Variants in LTBP1 observed in about 807,000 individuals in gnomAD.
LTBP1 encodes the protein latent transforming growth factor beta binding protein 1.
LTBP1 carries 129 observed loss-of-function variants against 207.6 expected under a neutral mutation model. The observed-to-expected ratio is 0.62, with a 90% CI of 0.54 to 0.72. LTBP1 has a LOEUF of 0.72. Ranked by LOEUF, LTBP1 falls within the 30% of genes least tolerant of loss-of-function variation. The pLI is 0.00. For missense variants in LTBP1, 2,281 were observed against 2,217.2 expected (o/e 1.03, Z -0.58); for synonymous variants, 963 against 833.7 (o/e 1.16, Z -2.67).
intron 28 of LTBP1, among the ~76,000 whole-genome samples, chr2:33,362,161 A>G (rs1415643693): frequency 6.6e-6 from 1 of 152,190 alleles, no homozygotes; most frequent in African/African-American, 2.4e-5. Flanking sequence ...CATTTTCATG[A>G]TAGAGATATT....
intron 2 of LTBP1, among the ~76,000 whole-genome samples, chr2:32,991,227 A>G (rs1360504112): frequency 6.6e-6 from 1 of 152,242 alleles, no homozygotes; most frequent in Non-Finnish European, 1.5e-5. Flanking sequence ...AATACCTGCA[A>G]CTACAGAGGA....
intron 3 of LTBP1, among the ~76,000 whole-genome samples, chr2:33,065,744 C>G (rs2077477667): frequency 6.6e-6 from 1 of 152,154 alleles, no homozygotes; most frequent in Admixed American, 6.5e-5. Context: ...TTTCTTCTTC[C>G]TGTATACTTT....
At chr2:33,364,177 G>A (rs2094957410) in intron 29 of LTBP1, 39 bp from the exon 30 acceptor site, 1 of 1,605,808 alleles carries the variant, frequency 6.2e-7, no homozygotes, top group African/African-American at 1.3e-5. Flanking sequence ...TACAACTGAT[G>A]GCTGATTTTC....
intron 2 of LTBP1, among the ~76,000 whole-genome samples, chr2:32,959,879 C>G (rs116375227): frequency 0.029 from 4,449 of 151,576 alleles, 121 homozygotes; most frequent in Non-Finnish European, 0.046. Context: ...CCTTGGTCTC[C>G]CAGAGTACTG....
chr2:33,387,910 C>T (rs2095281732), intron 31 of LTBP1, among the ~76,000 whole-genome samples: 1 of 152,318 alleles, frequency 6.6e-6, no homozygotes, highest in Non-Finnish European at 1.5e-5. Context: ...GTGACTGCCC[C>T]ACTCATGTCC....
chr2:33,129,314 C>T lies in LTBP1; in HGVS notation c.1034-5479C>T, dbSNP rs538769447. ...AACACCCAGAAAAGTTCAGGACAGG[C>T]TCCGGACTGCAGTCCAGGGCAGAGG... On this transcript the variant is annotated intron_variant, in intron 4 of 33. Coordinates refer to ENST00000404816, the MANE Select transcript of LTBP1 (RefSeq NM_206943.4). 6.1e-3 allele frequency among the ~76,000 whole-genome samples: 923 copies of T among 152,290 alleles called. 13 individuals carry two copies. The highest frequency in any genetic ancestry group is 0.021 in the African/African-American group (873 of 41,552).
At chr2:33,219,426 G>A (rs1302166453) in intron 8 of LTBP1, among the ~76,000 whole-genome samples, 1 of 152,212 alleles carries the variant, frequency 6.6e-6, no homozygotes, top group Non-Finnish European at 1.5e-5. Flanking sequence ...AAAAATTTTA[G>A]TGTTTGAAGT....
At chr2:33,062,990 C>T (rs1473635252) in intron 3 of LTBP1, 1 of 152,108 alleles carries the variant, frequency 6.6e-6, no homozygotes. Context: ...TTGTTTATGT[C>T]CATTTAATGT....
chr2:33,251,614 G>A (rs2092686353), intron 10 of LTBP1, among the ~76,000 whole-genome samples: 1 of 143,750 alleles, frequency 7.0e-6, no homozygotes, highest in South Asian at 2.2e-4. Flanking sequence ...GCAGTGAGCT[G>A]AGATCGCGCC....
At chr2:33,356,680 T>A (rs1352587516) in intron 26 of LTBP1, among the ~76,000 whole-genome samples, 1 of 152,164 alleles carries the variant, frequency 6.6e-6, no homozygotes, top group Non-Finnish European at 1.5e-5. Flanking sequence ...ACATTTCTCA[T>A]TTTCCGAGTT....
intron 2 of LTBP1, among the ~76,000 whole-genome samples, chr2:32,969,829 T>C (rs1323817892): frequency 6.6e-6 from 1 of 152,172 alleles, no homozygotes; most frequent in African/African-American, 2.4e-5. Context: ...CTGTTTTAAG[T>C]TCTTTGAGAG....
At chr2:33,020,835 G>A (rs2075130790) in intron 2 of LTBP1, 74 bp from the exon 3 acceptor site, 1 of 1,421,096 alleles carries the variant, frequency 7.0e-7, no homozygotes, top group Non-Finnish European at 9.5e-7. Context: ...TGATGCTACT[G>A]TTAACCCTTT....
At chr2:33,259,664 C>G (rs2092958316) in intron 13 of LTBP1, 54 bp downstream of exon 13, 1 of 1,524,582 alleles carries the variant, frequency 6.6e-7, no homozygotes, top group Non-Finnish European at 9.0e-7. Flanking sequence ...AAGTGATTTT[C>G]TATTAGAATA....
chr2:32,977,840 T>C (rs374485467), intron 2 of LTBP1, among the ~76,000 whole-genome samples: 7 of 152,200 alleles, frequency 4.6e-5, no homozygotes, highest in African/African-American at 1.7e-4. Context: ...AGTAGTTTCA[T>C]GGATGATCAG....
Position 32,965,977 on chromosome 2 carries a change from T to C in LTBP1, c.565+17032T>C, listed in dbSNP as rs116838323. On this transcript the variant is annotated intron_variant, in intron 2 of 33. Coordinates refer to ENST00000404816, the MANE Select transcript of LTBP1 (RefSeq NM_206943.4). ...CAAATGAGAGTTCCTATTGTTCCACTTCCTCATCAGCATTTATTGTTGTCA... is the reference window on the plus strand; with the variant it reads ...CAAATGAGAGTTCCTATTGTTCCACCTCCTCATCAGCATTTATTGTTGTCA... 2.0e-3 allele frequency among the ~76,000 whole-genome samples: 311 copies of C among 152,324 alleles called. 1 individual carries two copies. Among genetic ancestry groups the C allele is most frequent in the African/African-American group, 7.1e-3 (297 of 41,584 alleles).
At position 33,327,062 on chromosome 2, in the gene LTBP1, A is replaced by C. The variant is rs559926916; in HGVS notation, c.3730+11793A>C. Among the ~76,000 whole-genome samples, 3 of 152,258 alleles carry C rather than the reference A, an allele frequency of 2.0e-5. No homozygotes were observed. The South Asian group carries it at 6.2e-4, about 32-fold the overall frequency. ...CTCTGTAAAAAACCATTTGCTGTTT[A>C]TTTTTAAACGTTTGAAAGGACATGT... On this transcript the variant is annotated intron_variant, in intron 24 of 33. Coordinates refer to ENST00000404816, the MANE Select transcript of LTBP1 (RefSeq NM_206943.4).
In LTBP1 at chr2:33,082,431, ACTTTTTTTTTT is replaced by A. The variant is rs2078475443; in HGVS notation, c.864-28150_864-28140del. Among the ~76,000 whole-genome samples, 6 of 116,044 alleles carry A rather than the reference ACTTTTTTTTTT, an allele frequency of 5.2e-5. 1 individual carries two copies. Among genetic ancestry groups the A allele is most frequent in the Non-Finnish European group, 6.9e-5 (4 of 58,288 alleles). 76.1% of individuals were successfully genotyped at this position (116,044 alleles called of 152,430 possible). A position where few individuals can be genotyped will look rare whatever the true frequency, so the allele number is the denominator to read the frequency against. On this transcript the variant is annotated intron_variant, in intron 3 of 33. Coordinates refer to ENST00000404816, the MANE Select transcript of LTBP1 (RefSeq NM_206943.4). ...GTTAACCGTGGCTAAAGTATGACTC[ACTTTTTTTTTT>A]TTTTTTTTTTTTTTTTTTTTTTTTG...
chr2:32,947,832 C>A lies in LTBP1; in HGVS notation c.494+14C>A. The A allele has an allele frequency of 7.7e-7, 1 of 1,300,518 alleles. No individual in the cohort carries two copies. 80.6% of individuals were successfully genotyped at this position (1,300,518 alleles called of 1,614,324 possible). A position where few individuals can be genotyped will look rare whatever the true frequency, so the allele number is the denominator to read the frequency against. On this transcript the variant is annotated intron_variant, in intron 1 of 33. Coordinates refer to ENST00000404816, the MANE Select transcript of LTBP1 (RefSeq NM_206943.4). Reference sequence around the variant, plus strand: ...GCAGCTGCAGGGGTAAGCCCACACCCCCTTCCGCCCGCCCGCCCGCCTCGC... The same window carrying A: ...GCAGCTGCAGGGGTAAGCCCACACCACCTTCCGCCCGCCCGCCCGCCTCGC...
intron 2 of LTBP1, among the ~76,000 whole-genome samples, chr2:32,992,680 C>A (rs1684602267): frequency 6.6e-6 from 1 of 152,074 alleles, no homozygotes; most frequent in African/African-American, 2.4e-5. Flanking sequence ...TCTAAGGATT[C>A]CAGGACATGT....
Sources: gnomAD v4.1 joint callset for allele counts (sites outside exome capture counted in the v4.1 genomes callset) on GRCh38, gnomAD v4.1.1 for gene constraint, MANE v1.5 for transcripts, NCBI Gene and HGNC (gene_info 2026-07-23, HGNC 2026-07-21) for gene names.